The following FGF14 variants were observed in gnomAD, a reference collection of about 807,000 sequenced individuals.
The protein encoded by FGF14 is fibroblast growth factor homologous factor 4.
Under a neutral mutation model 25.5 loss-of-function variants are expected in FGF14, and 5 were observed. The observed-to-expected ratio is 0.20, with a 90% confidence interval of 0.10 to 0.41. FGF14 has a LOEUF of 0.41. Ranked by LOEUF, FGF14 falls within the 10% of genes least tolerant of loss-of-function variation. The pLI, the probability that FGF14 is intolerant of heterozygous loss-of-function variation, is 1.00. For missense variants in FGF14, 222 were observed against 320.1 expected, an observed-to-expected ratio of 0.69 and a Z score of 2.34; for synonymous variants, 138 against 118.3, an observed-to-expected ratio of 1.17 and a Z score of -1.08.
At chr13:102,194,661 G>C (rs1446546449) in intron 1 of FGF14, among the ~76,000 whole-genome samples, 1 of 151,998 alleles carries the variant, frequency 6.6e-6, no homozygotes, top group Non-Finnish European at 1.5e-5. Flanking sequence ...TTTAGAAGAA[G>C]AAGTAAAAGA....
At chr13:101,864,745 A>G (rs925717607) in intron 3 of FGF14, among the ~76,000 whole-genome samples, 2 of 152,148 alleles carry the variant, frequency 1.3e-5, no homozygotes, top group Non-Finnish European at 2.9e-5. Context: ...ACGACCGCGA[A>G]GATGCCTGCA....
intron 1 of FGF14, among the ~76,000 whole-genome samples, chr13:101,925,993 C>T (rs1211761076): frequency 6.6e-6 from 1 of 150,952 alleles, no homozygotes; most frequent in Non-Finnish European, 1.5e-5. Context: ...CTACTACTGA[C>T]TCTGATCCTC....
intron 1 of FGF14, among the ~76,000 whole-genome samples, chr13:102,361,132 A>G (rs1030846986): frequency 6.6e-6 from 1 of 152,196 alleles, no homozygotes; most frequent in Non-Finnish European, 1.5e-5. Context: ...ATACAGCAAT[A>G]TTAATTGATA....
intron 1 of FGF14, among the ~76,000 whole-genome samples, chr13:101,947,615 T>C (rs2035895337): frequency 1.3e-5 from 2 of 152,212 alleles, no homozygotes. Flanking sequence ...TGTCTTCACC[T>C]ATAAGTGGGA....
At chr13:102,124,116 A>G (rs1479051411) in intron 1 of FGF14, among the ~76,000 whole-genome samples, 1 of 152,204 alleles carries the variant, frequency 6.6e-6, no homozygotes, top group Non-Finnish European at 1.5e-5. Context: ...GTTCATGCTC[A>G]GGTAAATTCT....
At chr13:102,172,274 C>T (rs1022322764) in intron 1 of FGF14, among the ~76,000 whole-genome samples, 1 of 152,182 alleles carries the variant, frequency 6.6e-6, no homozygotes, top group African/African-American at 2.4e-5. Context: ...ATAAGCCAGC[C>T]TTTCCCCAGT....
intron 3 of FGF14, 68 bp downstream of exon 3, chr13:101,868,657 T>G: frequency 9.9e-7 from 1 of 1,008,462 alleles, no homozygotes; most frequent in South Asian, 1.3e-5. Context: ...ACTTTCTTTT[T>G]GTTGTTGCTG....
intron 1 of FGF14, among the ~76,000 whole-genome samples, chr13:102,347,716 C>A (rs59405736): frequency 0.023 from 3,452 of 152,232 alleles, 127 homozygotes; most frequent in African/African-American, 0.078. Flanking sequence ...CAGTGGGTCA[C>A]TGGGGTCAGC....
intron 1 of FGF14, among the ~76,000 whole-genome samples, chr13:102,140,046 C>T (rs868636844): frequency 7.3e-6 from 1 of 136,776 alleles, no homozygotes; most frequent in Non-Finnish European, 1.6e-5. Context: ...CTTCAAGACC[C>T]CCCCCCCCCC....
At chr13:101,838,665 C>T (rs753339532) in intron 3 of FGF14, among the ~76,000 whole-genome samples, 7 of 151,768 alleles carry the variant, frequency 4.6e-5, no homozygotes, top group Non-Finnish European at 7.4e-5. Context: ...TCAAGTAGAC[C>T]GAAAACAAAA....
chr13:101,825,893 A>T (rs2042371843), intron 3 of FGF14, among the ~76,000 whole-genome samples: 1 of 152,130 alleles, frequency 6.6e-6, no homozygotes, highest in Non-Finnish European at 1.5e-5. Context: ...CCTGATATAA[A>T]GTTTTTGAAA....
intron 1 of FGF14, among the ~76,000 whole-genome samples, chr13:101,935,721 C>A (rs970965662): frequency 2.0e-5 from 3 of 152,106 alleles, no homozygotes; most frequent in Non-Finnish European, 4.4e-5. Flanking sequence ...TTTTTCACAG[C>A]AGCATGAGAA....
chr13:101,821,154 C>G (rs770332652), intron 3 of FGF14, among the ~76,000 whole-genome samples: 1 of 152,004 alleles, frequency 6.6e-6, no homozygotes, highest in African/African-American at 2.4e-5. Flanking sequence ...TTCACCGTGT[C>G]AGCCAGGATG....
At chr13:102,330,743 T>G (rs2056609628) in intron 1 of FGF14, among the ~76,000 whole-genome samples, 1 of 152,072 alleles carries the variant, frequency 6.6e-6, no homozygotes, top group Non-Finnish European at 1.5e-5. Context: ...TGATCATCAC[T>G]CCCTCCTCCC....
chr13:102,161,575 A>ACC (rs1158303272), intron 1 of FGF14, among the ~76,000 whole-genome samples: 400 of 5,276 alleles, frequency 0.076, no homozygotes, highest in African/African-American at 0.17. Flanking sequence ...TGAAGAAAGA[A>ACC]AGAAGAAGAA....
At chr13:101,946,058 C>A (rs1699718770) in intron 1 of FGF14, among the ~76,000 whole-genome samples, 1 of 152,106 alleles carries the variant, frequency 6.6e-6, no homozygotes, top group African/African-American at 2.4e-5. Context: ...TCTCATTTCC[C>A]TTATTCAAAC....
intron 3 of FGF14, among the ~76,000 whole-genome samples, chr13:101,784,657 C>T (rs1192156309): frequency 6.6e-6 from 1 of 152,130 alleles, no homozygotes; most frequent in Non-Finnish European, 1.5e-5. Context: ...ATATAATCTT[C>T]CCATTTCCCA....
chr13:101,763,511 G>A (rs1372532791), intron 3 of FGF14, among the ~76,000 whole-genome samples: 1 of 152,008 alleles, frequency 6.6e-6, no homozygotes, highest in Non-Finnish European at 1.5e-5. Flanking sequence ...AGTGAAATTT[G>A]GTCCTGTATT....
At chr13:102,063,301 TATAA>T (rs2042765722) in intron 1 of FGF14, among the ~76,000 whole-genome samples, 1 of 152,192 alleles carries the variant, frequency 6.6e-6, no homozygotes. Context: ...AACATACTAA[TATAA>T]ATAGGTAGTT....
Sources: gnomAD v4.1 joint callset for allele counts (sites outside exome capture counted in the v4.1 genomes callset) on GRCh38, gnomAD v4.1.1 for gene constraint, MANE v1.5 for transcripts, NCBI Gene and HGNC (gene_info 2026-07-23, HGNC 2026-07-21) for gene names.